Variants in POF1B observed in about 807,000 individuals in gnomAD.
POF1B encodes protein POF1B.
A neutral mutation model predicts 55.3 loss-of-function variants in POF1B; 53 were observed. The ratio of observed to expected loss-of-function variants is 0.96; its 90% CI spans 0.77 to 1.20. The LOEUF is 1.20. POF1B is among the 50% of genes most tolerant of loss of function. The pLI is 0.00. For missense variants in POF1B, 478 were observed against 420.5 expected, an observed-to-expected ratio of 1.14 and a Z score of -1.20; for synonymous variants, 188 against 148.3, an observed-to-expected ratio of 1.27 and a Z score of -1.95.
chrX:85,351,408 C>T lies in POF1B; in HGVS notation c.482G>A (p.Gly161Glu). Residue 161 changes from glycine to glutamate, a missense_variant, in exon 5 of 17, where the codon GGA (glycine) becomes GAA (glutamate). Coordinates refer to ENST00000262753, the MANE Select transcript of POF1B (RefSeq NM_024921.4). Reference protein sequence around the residue: ...QFLRGSHFFPGNNVIYEKTIR... With the variant: ...QFLRGSHFFPENNVIYEKTIR... ...TGTTTTTTCATAAATAACATTGTTT[C>T]CTGGGAAGAAATGGCTTCCTCTTAG... 8.3e-7 allele frequency: 1 copy of T among 1,198,854 alleles called. No homozygotes were observed. The highest frequency in any genetic ancestry group is 1.1e-6 in the Non-Finnish European group (1 of 887,413).
intron 4 of POF1B, among the ~76,000 whole-genome samples, chrX:85,356,602 A>T (rs1284286832): frequency 1.8e-5 from 2 of 111,393 alleles, no homozygotes; most frequent in Non-Finnish European, 3.8e-5. Context: ...CAAATCTGTA[A>T]GGAAGTAAAT....
intron 7 of POF1B, among the ~76,000 whole-genome samples, chrX:85,322,117 A>G (rs1028800202): frequency 9.0e-6 from 1 of 111,386 alleles, no homozygotes; most frequent in African/African-American, 3.3e-5. Flanking sequence ...GGGAACCAAA[A>G]AAGAGCCCGC....
chrX:85,368,633 T>C (rs1465002694), intron 2 of POF1B, among the ~76,000 whole-genome samples: 1 of 111,752 alleles, frequency 8.9e-6, no homozygotes, highest in East Asian at 2.8e-4. Context: ...AATTATGCTT[T>C]GTCTATTCTG....
chrX:85,358,349 C>T (rs181057652), intron 4 of POF1B, among the ~76,000 whole-genome samples: 123 of 111,207 alleles, frequency 1.1e-3, no homozygotes, highest in African/African-American at 3.5e-3. Context: ...TATTTGTGGA[C>T]CTGTCTTATC....
Position 85,290,403 on chromosome X carries a change from C to T in POF1B, c.1650-8086G>A, listed in dbSNP as rs58295006. On this transcript the variant is annotated intron_variant, in intron 15 of 16. Coordinates refer to ENST00000262753, the MANE Select transcript of POF1B (RefSeq NM_024921.4). ...CCATGTTTTTGCTATTTTGAAATAA[C>T]GCTGCAATGAACATGCAGGTGCATG... is the stretch of plus-strand genomic sequence containing the variant. 2.5e-4 allele frequency among the ~76,000 whole-genome samples: 28 copies of T among 111,213 alleles called. No homozygotes were observed. In the East Asian group the frequency reaches 6.5e-3, roughly 26 times the overall value.
At chrX:85,296,473 G>T (rs1402432322) in intron 15 of POF1B, among the ~76,000 whole-genome samples, 2 of 112,077 alleles carry the variant, frequency 1.8e-5, no homozygotes, top group Admixed American at 1.9e-4. Context: ...TGCTTTGGAA[G>T]TTTATTTCTC....
chrX:85,338,026 A>G (rs978056963), intron 6 of POF1B, among the ~76,000 whole-genome samples: 2 of 111,726 alleles, frequency 1.8e-5, no homozygotes, highest in African/African-American at 3.2e-5. Flanking sequence ...CTCATTTTCT[A>G]TAAGACTCTC....
intron 7 of POF1B, among the ~76,000 whole-genome samples, chrX:85,321,668 C>T (rs1213192613): frequency 6.8e-5 from 7 of 102,190 alleles, no homozygotes; most frequent in South Asian, 8.7e-4. Flanking sequence ...TGTTTGCAGA[C>T]GACATGATTG....
chrX:85,316,245 T>A (rs1294418320), intron 7 of POF1B, among the ~76,000 whole-genome samples: 2 of 111,828 alleles, frequency 1.8e-5, no homozygotes, highest in Non-Finnish European at 3.8e-5. Context: ...GTAGAGTATA[T>A]TTGGTAATGA....
Position 85,359,670 on chromosome X carries a change from T to C in POF1B, c.358-40A>G, listed in dbSNP as rs191933771. On this transcript the variant is annotated intron_variant, in intron 3 of 16. Transcript: ENST00000262753. ...CAAAAGCTGGATATAATCATAGTTATTTAATGAGCTTGGAGCTATCAATAA... is the reference window on the plus strand; with the variant it reads ...CAAAAGCTGGATATAATCATAGTTACTTAATGAGCTTGGAGCTATCAATAA... The C allele has an allele frequency of 2.4e-5, 23 of 974,676 alleles. No homozygotes were observed. The Admixed American group carries it at 4.3e-4, about 18-fold the overall frequency. 80.3% of individuals were successfully genotyped at this position (974,676 alleles called of 1,213,427 possible). A position where few individuals can be genotyped will look rare whatever the true frequency, so the allele number is the denominator to read the frequency against.
At chrX:85,350,636 TAC>T (rs2147937932) in intron 5 of POF1B, among the ~76,000 whole-genome samples, 1 of 111,622 alleles carries the variant, frequency 9.0e-6, no homozygotes, top group South Asian at 3.7e-4. Flanking sequence ...TGAACTAGTT[TAC>T]AGTCCCACCA....
At chrX:85,320,303 A>G (rs747615623) in intron 7 of POF1B, among the ~76,000 whole-genome samples, 1 of 111,035 alleles carries the variant, frequency 9.0e-6, no homozygotes, top group East Asian at 2.8e-4. Flanking sequence ...AAAACCGCAC[A>G]ACTACATGGA....
chrX:85,305,977 G>A (rs1932564698), intron 12 of POF1B, 67 bp from the exon 13 acceptor site: 4 of 1,111,472 alleles, frequency 3.6e-6, no homozygotes, highest in Middle Eastern at 2.5e-4. Flanking sequence ...ATGTTACAAG[G>A]ATTGTTATTA....
chrX:85,328,274 G>A (rs1376123869), intron 7 of POF1B, among the ~76,000 whole-genome samples: 1 of 107,454 alleles, frequency 9.3e-6, no homozygotes, highest in Non-Finnish European at 1.9e-5. Context: ...GCGCGATCTC[G>A]GCTCACTGCA....
chrX:85,352,461 C>T (rs1933409187), intron 4 of POF1B, among the ~76,000 whole-genome samples: 1 of 111,343 alleles, frequency 9.0e-6, no homozygotes, highest in Non-Finnish European at 1.9e-5. Flanking sequence ...GACCAAAACA[C>T]TGATTGTTTA....
intron 7 of POF1B, among the ~76,000 whole-genome samples, chrX:85,325,310 C>A (rs1932885230): frequency 1.8e-5 from 2 of 111,418 alleles, no homozygotes; most frequent in African/African-American, 6.5e-5. Context: ...GTCTCTCAGG[C>A]ATGCCCGGGA....
At chrX:85,331,145 T>C in intron 6 of POF1B, 66 bp from the exon 7 acceptor site, 2 of 1,068,049 alleles carry the variant, frequency 1.9e-6, no homozygotes, top group Non-Finnish European at 2.5e-6. Flanking sequence ...GATATTTTTA[T>C]GTGAAGCGAA....
chrX:85,371,588 C>T (rs1016072438), intron 2 of POF1B, among the ~76,000 whole-genome samples: 12 of 111,167 alleles, frequency 1.1e-4, no homozygotes, highest in African/African-American at 3.6e-4. Flanking sequence ...CCATATTTTG[C>T]CACGTTTATT....
chrX:85,311,924 C>G (rs1932710994), intron 9 of POF1B, among the ~76,000 whole-genome samples: 1 of 112,127 alleles, frequency 8.9e-6, no homozygotes, highest in Non-Finnish European at 1.9e-5. Context: ...TCTCTAATGA[C>G]CAGTGATGAT....
Sources: gnomAD v4.1 joint callset for allele counts (sites outside exome capture counted in the v4.1 genomes callset) on GRCh38, gnomAD v4.1.1 for gene constraint, MANE v1.5 for transcripts, NCBI Gene and HGNC (gene_info 2026-07-23, HGNC 2026-07-21) for gene names.